The following SMYD3 variants were observed in gnomAD, a reference collection of about 807,000 sequenced individuals.
The protein encoded by SMYD3 is histone-lysine N-methyltransferase SMYD3.
SMYD3 carries 36 observed loss-of-function variants against 57.7 expected under a neutral mutation model. That is an observed-to-expected ratio of 0.62 (90% confidence interval 0.48 to 0.82). The LOEUF (loss-of-function observed/expected upper bound fraction) is 0.82. Ranked by LOEUF, SMYD3 falls within the 40% of genes least tolerant of loss-of-function variation. The pLI is 0.00. For synonymous variants in SMYD3, 211 were observed against 195.0 expected, an observed-to-expected ratio of 1.08 and a Z score of -0.68; for missense variants, 515 against 538.8, an observed-to-expected ratio of 0.96 and a Z score of 0.44.
chr1:245,751,564 CAGAGAGAAAGAGAA>C (rs1462489528), intron 11 of SMYD3, among the ~76,000 whole-genome samples: 7 of 138,982 alleles, frequency 5.0e-5, no homozygotes, highest in African/African-American at 8.1e-5. Context: ...GACAGAGAGA[CAGAGAGAAAGAGAA>C]AGAGAGAGAG....
chr1:245,872,549 A>C (rs1294805643), intron 8 of SMYD3, among the ~76,000 whole-genome samples: 2 of 152,232 alleles, frequency 1.3e-5, no homozygotes, highest in Non-Finnish European at 2.9e-5. Flanking sequence ...GATCCAACTG[A>C]GGAGCACTTG....
intron 5 of SMYD3, among the ~76,000 whole-genome samples, chr1:246,165,285 G>C (rs2062188717): frequency 6.6e-6 from 1 of 152,198 alleles, no homozygotes; most frequent in Non-Finnish European, 1.5e-5. Flanking sequence ...TTGTAATTGT[G>C]AAAGGAGAGA....
chr1:245,941,328 T>A (rs2147896402), intron 5 of SMYD3, among the ~76,000 whole-genome samples: 1 of 152,140 alleles, frequency 6.6e-6, no homozygotes, highest in South Asian at 2.1e-4. Context: ...CCCAGTAAGA[T>A]ACTCCATGAG....
chr1:246,125,077 A>ACACACACAC lies in SMYD3; in HGVS notation c.532-195141_532-195140insGTGTGTGTG, dbSNP rs1553295580. On this transcript the variant is annotated intron_variant, in intron 5 of 11. Transcript: ENST00000490107. ...ACAGAGCGAGACTCCGTCTCAAAAA[A>ACACACACAC]AAAAAAAAAAACACACACACACACA... is the stretch of plus-strand genomic sequence containing the variant. 8.5e-3 allele frequency among the ~76,000 whole-genome samples: 886 copies of ACACACACAC among 104,254 alleles called. 17 individuals are homozygous for ACACACACAC. The highest frequency in any genetic ancestry group is 0.021 in the African/African-American group (683 of 32,944). The allele number at this position is 104,254 out of a possible 152,430, so 68.4% of individuals were successfully genotyped here. A position where few individuals can be genotyped will look rare whatever the true frequency, so the allele number is the denominator to read the frequency against.
intron 5 of SMYD3, among the ~76,000 whole-genome samples, chr1:246,189,369 GAAC>G (rs2062696462): frequency 1.3e-5 from 2 of 152,186 alleles, no homozygotes; most frequent in African/African-American, 4.8e-5. Flanking sequence ...GGAAGCAAGG[GAAC>G]AACGCAAGTG....
At chr1:245,942,516 C>A (rs529922217) in intron 5 of SMYD3, among the ~76,000 whole-genome samples, 6 of 152,150 alleles carry the variant, frequency 3.9e-5, no homozygotes, top group Non-Finnish European at 8.8e-5. Context: ...CTTAGACTCC[C>A]ACACAATAAT....
intron 5 of SMYD3, among the ~76,000 whole-genome samples, chr1:246,059,151 A>C (rs2060207263): frequency 1.3e-5 from 2 of 152,064 alleles, no homozygotes; most frequent in Non-Finnish European, 2.9e-5. Flanking sequence ...GCTGGGATTA[A>C]AGGCGTGAGC....
chr1:245,830,299 C>T (rs557392070), intron 10 of SMYD3, among the ~76,000 whole-genome samples: 3 of 152,174 alleles, frequency 2.0e-5, no homozygotes, highest in East Asian at 1.9e-4. Flanking sequence ...ACAATCATGG[C>T]GGAAGGCAAA....
At chr1:245,944,776 C>G (rs2057375781) in intron 5 of SMYD3, among the ~76,000 whole-genome samples, 1 of 152,170 alleles carries the variant, frequency 6.6e-6, no homozygotes, top group Non-Finnish European at 1.5e-5. Flanking sequence ...CAGCATGGTA[C>G]TGGTACAAAA....
intron 1 of SMYD3, among the ~76,000 whole-genome samples, chr1:246,386,940 C>A (rs374051651): frequency 1.3e-5 from 2 of 150,516 alleles, no homozygotes; most frequent in East Asian, 1.9e-4. Context: ...AGGGACTACA[C>A]AATAAGCGAG....
intron 10 of SMYD3, among the ~76,000 whole-genome samples, chr1:245,779,664 C>T (rs2046753494): frequency 6.6e-6 from 1 of 152,186 alleles, no homozygotes; most frequent in African/African-American, 2.4e-5. Flanking sequence ...TACTTATCAA[C>T]TTATCAACTT....
At chr1:246,363,793 G>T (rs574972484) in intron 1 of SMYD3, among the ~76,000 whole-genome samples, 1 of 152,054 alleles carries the variant, frequency 6.6e-6, no homozygotes, top group Admixed American at 6.6e-5. Context: ...GCGGAAGGCC[G>T]CAGGGTCCTC....
At chr1:246,474,273 A>G (rs1242179917) in intron 1 of SMYD3, among the ~76,000 whole-genome samples, 1 of 152,180 alleles carries the variant, frequency 6.6e-6, no homozygotes, top group Non-Finnish European at 1.5e-5. Context: ...TAATGCAAGC[A>G]CTTTGCGGGG....
chr1:245,933,302 A>G (rs2056826845), intron 5 of SMYD3, among the ~76,000 whole-genome samples: 1 of 152,200 alleles, frequency 6.6e-6, no homozygotes, highest in African/African-American at 2.4e-5. Context: ...TACTACTTCA[A>G]TAAAAAATAA....
At chr1:246,029,717 A>G (rs2059636515) in intron 5 of SMYD3, among the ~76,000 whole-genome samples, 1 of 151,602 alleles carries the variant, frequency 6.6e-6, no homozygotes. Context: ...GAAAATATGC[A>G]AATGGCCAGC....
chr1:245,999,941 C>T (rs1342698628), intron 5 of SMYD3, among the ~76,000 whole-genome samples: 1 of 152,194 alleles, frequency 6.6e-6, no homozygotes, highest in Non-Finnish European at 1.5e-5. Flanking sequence ...AGGGAACATG[C>T]TGGCTAGTTC....
chr1:245,845,060 A>T (rs552404913), intron 10 of SMYD3, among the ~76,000 whole-genome samples: 19 of 152,292 alleles, frequency 1.2e-4, no homozygotes, highest in African/African-American at 4.6e-4. Context: ...TTAAGGAATT[A>T]ATTTGAACTT....
chr1:245,955,083 G>A (rs948768515), intron 5 of SMYD3, among the ~76,000 whole-genome samples: 2 of 152,024 alleles, frequency 1.3e-5, no homozygotes, highest in Non-Finnish European at 2.9e-5. Context: ...TCAGGTTGTG[G>A]GCCCATGTGG....
intron 5 of SMYD3, among the ~76,000 whole-genome samples, chr1:246,127,900 A>G (rs1050491018): frequency 6.7e-6 from 1 of 148,696 alleles, no homozygotes; most frequent in African/African-American, 2.5e-5. Context: ...TGTCTCAAAA[A>G]GAAAAGAAAA....
Sources: gnomAD v4.1 joint callset for allele counts (sites outside exome capture counted in the v4.1 genomes callset) on GRCh38, gnomAD v4.1.1 for gene constraint, MANE v1.5 for transcripts, NCBI Gene and HGNC (gene_info 2026-07-23, HGNC 2026-07-21) for gene names.